Variants in PIK3C2G observed in about 807,000 individuals in gnomAD.
PIK3C2G encodes the protein phosphatidylinositol-4-phosphate 3-kinase catalytic subunit type 2 gamma.
In PIK3C2G, 168 loss-of-function variants were observed where a neutral mutation model predicts 181.1. The observed-to-expected ratio is 0.93, with a 90% CI of 0.82 to 1.05. PIK3C2G has a LOEUF of 1.05. Ranked by LOEUF, PIK3C2G falls within the 50% of genes least tolerant of loss-of-function variation. PIK3C2G has a pLI of 0.00. For synonymous variants in PIK3C2G, 573 were observed against 592.2 expected, an observed-to-expected ratio of 0.97 and a Z score of 0.47; for missense variants, 1,869 against 1,732.8, an observed-to-expected ratio of 1.08 and a Z score of -1.40.
the PIK3C2G span, among the ~76,000 whole-genome samples, chr12:18,659,813 A>G: frequency 6.6e-6 from 1 of 152,120 alleles, no homozygotes; most frequent in African/African-American, 2.4e-5. Flanking sequence ...ACCTAATGCT[A>G]AAATAAAGGA....
chr12:18,392,644 C>T (rs1943607690), intron 15 of PIK3C2G, among the ~76,000 whole-genome samples: 1 of 152,062 alleles, frequency 6.6e-6, no homozygotes, highest in African/African-American at 2.4e-5. Context: ...CCCTCACTCT[C>T]TATCATATTA....
intron 1 of PIK3C2G, among the ~76,000 whole-genome samples, chr12:18,278,443 C>T (rs1229284689): frequency 6.6e-6 from 1 of 152,148 alleles, no homozygotes; most frequent in Non-Finnish European, 1.5e-5. Context: ...ATGAGATAAT[C>T]TTTCTATTTT....
intron 29 of PIK3C2G, among the ~76,000 whole-genome samples, chr12:18,583,734 A>G (rs1256954170): frequency 1.3e-5 from 2 of 152,016 alleles, no homozygotes; most frequent in Non-Finnish European, 2.9e-5. Flanking sequence ...AATCAGAGGC[A>G]GCCCACCAGT....
chr12:18,312,155 A>G (rs970008452), intron 5 of PIK3C2G, among the ~76,000 whole-genome samples: 4 of 152,166 alleles, frequency 2.6e-5, no homozygotes, highest in Non-Finnish European at 1.5e-5. Context: ...TCATTTGGCA[A>G]CACACTCACA....
At chr12:18,392,824 G>C (rs1456060127) in intron 15 of PIK3C2G, among the ~76,000 whole-genome samples, 1 of 152,042 alleles carries the variant, frequency 6.6e-6, no homozygotes, top group Non-Finnish European at 1.5e-5. Flanking sequence ...TGAATAAATA[G>C]ATTATAAGGA....
chr12:18,574,739 C>A (rs1388402424), intron 29 of PIK3C2G, among the ~76,000 whole-genome samples: 2 of 152,142 alleles, frequency 1.3e-5, no homozygotes, highest in Non-Finnish European at 2.9e-5. Flanking sequence ...AAACAGCTAA[C>A]CCCGTAACTA....
At chr12:18,257,101 G>A (rs958369050), upstream of PIK3C2G, among the ~76,000 whole-genome samples, 6 of 152,034 alleles carry the variant, frequency 3.9e-5, no homozygotes, top group African/African-American at 1.4e-4. Flanking sequence ...AATCTTTAAG[G>A]ACAAAGCCTT....
In PIK3C2G at chr12:18,356,763, C is replaced by G. The variant is rs1940776038; in HGVS notation, c.1626-6001C>G. ...TCTTCTGAAAGATCCTGCTGTCAAG[C>G]CGCCCCTCTGAAGTCAAGCTGCTTC... On this transcript the variant is annotated intron_variant, in intron 11 of 32. Transcript: ENST00000538779. 2.0e-5 allele frequency among the ~76,000 whole-genome samples: 3 copies of G among 151,810 alleles called. No individual in the cohort carries two copies. In the South Asian group the frequency reaches 6.3e-4, roughly 32 times the overall value.
chr12:18,382,022 A>G, intron 14 of PIK3C2G, 142 bp downstream of exon 14: 1 of 625,098 alleles, frequency 1.6e-6, no homozygotes, highest in Non-Finnish European at 2.9e-6. Flanking sequence ...GATTTGTGAA[A>G]CCTCTACTGC....
the PIK3C2G span, chr12:18,688,232 T>C: frequency 6.9e-6 from 11 of 1,596,314 alleles, no homozygotes; most frequent in East Asian, 1.8e-4. Flanking sequence ...CACAAATATA[T>C]ATGAATATAA....
the PIK3C2G span, among the ~76,000 whole-genome samples, chr12:18,673,581 T>C: frequency 6.6e-6 from 1 of 152,194 alleles, no homozygotes; most frequent in Non-Finnish European, 1.5e-5. Context: ...TTATCTATTG[T>C]TATGTAACAA....
chr12:18,559,147 G>A (rs928086985), intron 26 of PIK3C2G, among the ~76,000 whole-genome samples: 2 of 152,170 alleles, frequency 1.3e-5, no homozygotes, highest in Non-Finnish European at 2.9e-5. Context: ...AAAAGAAAAA[G>A]GGAACCTTCC....
intron 4 of PIK3C2G, among the ~76,000 whole-genome samples, chr12:18,293,254 T>A (rs1278846560): frequency 6.6e-6 from 1 of 152,052 alleles, no homozygotes; most frequent in Non-Finnish European, 1.5e-5. Context: ...ATTTAACAGA[T>A]GAAGAAACTA....
At position 18,520,441 on chromosome 12, in the gene PIK3C2G, G is replaced by A. The variant is rs192089294; in HGVS notation, c.3323+14980G>A. 2.8e-4 allele frequency among the ~76,000 whole-genome samples: 42 copies of A among 151,448 alleles called. No homozygotes were observed. The East Asian group carries it at 3.3e-3, about 12-fold the overall frequency. On this transcript the variant is annotated intron_variant, in intron 24 of 32. Transcript: ENST00000538779. Reference sequence around the variant, plus strand: ...CTTTTCATTCTTTTTCTCTAATCTCGTCTGCCTTCCTTTCAGCAAGATAGT... The same window carrying A: ...CTTTTCATTCTTTTTCTCTAATCTCATCTGCCTTCCTTTCAGCAAGATAGT...
At chr12:18,354,272 C>G (rs566843571) in intron 11 of PIK3C2G, among the ~76,000 whole-genome samples, 1 of 152,148 alleles carries the variant, frequency 6.6e-6, no homozygotes, top group African/African-American at 2.4e-5. Context: ...TTACTGGGGC[C>G]AAATTCAACA....
chr12:18,563,092 CAA>C (rs1945435670), intron 27 of PIK3C2G, among the ~76,000 whole-genome samples, 200 bp downstream of exon 27: 1 of 152,096 alleles, frequency 6.6e-6, no homozygotes, highest in African/African-American at 2.4e-5. Flanking sequence ...AGAGAACCAT[CAA>C]AGAGAACAAT....
chr12:18,448,538 C>T (rs2135871904), intron 18 of PIK3C2G, among the ~76,000 whole-genome samples: 1 of 152,206 alleles, frequency 6.6e-6, no homozygotes, highest in South Asian at 2.1e-4. Flanking sequence ...CCTTTACCTA[C>T]ATTGCCCCAT....
chr12:18,278,020 G>T (rs1045733098), intron 1 of PIK3C2G, among the ~76,000 whole-genome samples: 4 of 152,052 alleles, frequency 2.6e-5, no homozygotes, highest in Non-Finnish European at 4.4e-5. Context: ...GAGCTTTTTT[G>T]TGTGTGTGGT....
chr12:18,603,390 C>G (rs984209689), intron 30 of PIK3C2G, among the ~76,000 whole-genome samples: 1 of 151,994 alleles, frequency 6.6e-6, no homozygotes, highest in African/African-American at 2.4e-5. Flanking sequence ...ATGACCAAAC[C>G]TAAGAATAAT....
Sources: gnomAD v4.1 joint callset for allele counts (sites outside exome capture counted in the v4.1 genomes callset) on GRCh38, gnomAD v4.1.1 for gene constraint, MANE v1.5 for transcripts, NCBI Gene and HGNC (gene_info 2026-07-23, HGNC 2026-07-21) for gene names.